NALCN: variants seen among roughly 807,000 people sequenced by gnomAD.
NALCN encodes the protein sodium leak channel NALCN.
In NALCN, 111 loss-of-function variants were observed where a neutral mutation model predicts 225.3. That is an observed-to-expected ratio of 0.49 (90% CI 0.42 to 0.58). The LOEUF is 0.58. Among genes scored for constraint, NALCN ranks in the 20% least tolerant of loss-of-function variants. The pLI is 0.00. For synonymous variants in NALCN, 764 were observed against 769.0 expected (o/e 0.99, Z 0.11); for missense variants, 1,378 against 2,202.4 (o/e 0.63, Z 7.49).
rs935085858 is a variant in NALCN, at chr13:101,230,054, A to C, written c.1435-470T>G. ...TTGTTTCATGCATAAAAAAACTATT[A>C]AGAATATTGCATACAACTACCTTCA... On this transcript the variant is annotated intron_variant, in intron 12 of 43. Transcript: ENST00000251127. Among the ~76,000 whole-genome samples the C allele has an allele frequency of 2.6e-5, 4 of 152,188 alleles. 1 individual carries two copies. Among genetic ancestry groups the C allele is most frequent in the African/African-American group, 9.7e-5 (4 of 41,446 alleles).
At chr13:101,255,220 T>A (rs1260248150) in intron 11 of NALCN, among the ~76,000 whole-genome samples, 1 of 152,312 alleles carries the variant, frequency 6.6e-6, no homozygotes, top group Non-Finnish European at 1.5e-5. Context: ...ACAATACACT[T>A]AAATAGTAAC....
chr13:101,182,962 CCTA>C lies in NALCN; in HGVS notation c.1765-6591_1765-6589del, dbSNP rs1264203776. On this transcript the variant is annotated intron_variant, in intron 14 of 43. Transcript: ENST00000251127. ...TATGTTATCAATGATACAGTATTTTCCTACAAACCCAGTGCAATGTGGATTTGG... is the reference window on the plus strand; with the variant it reads ...TATGTTATCAATGATACAGTATTTTCCAAACCCAGTGCAATGTGGATTTGG... Among the ~76,000 whole-genome samples the C allele has an allele frequency of 1.6e-4, 25 of 152,286 alleles. No individual in the cohort carries two copies. The East Asian group carries it at 4.8e-3, about 29-fold the overall frequency.
intron 2 of NALCN, among the ~76,000 whole-genome samples, chr13:101,395,928 T>C (rs556054598): frequency 7.2e-4 from 109 of 152,310 alleles, no homozygotes; most frequent in African/African-American, 2.5e-3. Context: ...TATTTAGAAT[T>C]TCCTTTCTAT....
At chr13:101,331,964 C>T (rs1441762754) in intron 7 of NALCN, among the ~76,000 whole-genome samples, 1 of 152,136 alleles carries the variant, frequency 6.6e-6, no homozygotes, top group African/African-American at 2.4e-5. Context: ...TTACTTGTTG[C>T]CAGTAATGAA....
At chr13:101,335,318 G>A (rs986277011) in intron 7 of NALCN, among the ~76,000 whole-genome samples, 10 of 152,118 alleles carry the variant, frequency 6.6e-5, no homozygotes, top group Non-Finnish European at 1.0e-4. Flanking sequence ...TTCAGTTTAA[G>A]TAAGTCTGTG....
chr13:101,272,210 T>C (rs1023695052), intron 10 of NALCN, among the ~76,000 whole-genome samples: 1 of 152,172 alleles, frequency 6.6e-6, no homozygotes, highest in African/African-American at 2.4e-5. Context: ...TGACTGTGTG[T>C]CTCTGCATGC....
At chr13:101,140,254 C>T (rs1356493626) in intron 17 of NALCN, among the ~76,000 whole-genome samples, 4 of 152,076 alleles carry the variant, frequency 2.6e-5, no homozygotes, top group Non-Finnish European at 4.4e-5. Flanking sequence ...TCGCTTCGGG[C>T]GGGCGCACAG....
At chr13:101,185,036 G>A (rs1194492455) in intron 14 of NALCN, among the ~76,000 whole-genome samples, 2 of 152,084 alleles carry the variant, frequency 1.3e-5, no homozygotes, top group African/African-American at 4.8e-5. Context: ...AACACAGCAG[G>A]AATCAATGTC....
chr13:101,086,854 G>A (rs984953932), intron 30 of NALCN, among the ~76,000 whole-genome samples: 2 of 151,988 alleles, frequency 1.3e-5, no homozygotes, highest in Non-Finnish European at 2.9e-5. Context: ...CCCAATAATA[G>A]TGTTTGTTTA....
intron 11 of NALCN, among the ~76,000 whole-genome samples, chr13:101,250,326 CTGA>C (rs1423690230): frequency 6.6e-6 from 1 of 151,958 alleles, no homozygotes; most frequent in Non-Finnish European, 1.5e-5. Context: ...TAAAACAAAT[CTGA>C]AGAAGAATAT....
intron 11 of NALCN, among the ~76,000 whole-genome samples, chr13:101,245,300 CT>C (rs898805076): frequency 7.4e-4 from 112 of 151,098 alleles, no homozygotes; most frequent in African/African-American, 2.5e-3. Flanking sequence ...ATAAACTTTT[CT>C]TTTTTTTTGC....
chr13:101,155,021 T>G (rs1001862732), intron 15 of NALCN, among the ~76,000 whole-genome samples: 2 of 152,216 alleles, frequency 1.3e-5, no homozygotes, highest in African/African-American at 2.4e-5. Flanking sequence ...GCTACACAGA[T>G]GTACATATCT....
chr13:101,065,110 C>T (rs2032266025), intron 40 of NALCN, among the ~76,000 whole-genome samples: 1 of 152,216 alleles, frequency 6.6e-6, no homozygotes, highest in African/African-American at 2.4e-5. Context: ...ACTGTGCTCT[C>T]CCAGATCCCT....
At chr13:101,341,575 T>G (rs2139283215) in intron 7 of NALCN, among the ~76,000 whole-genome samples, 1 of 152,306 alleles carries the variant, frequency 6.6e-6, no homozygotes, top group Admixed American at 6.5e-5. Context: ...CCTACTAAGC[T>G]TTTATGAGTT....
intron 14 of NALCN, among the ~76,000 whole-genome samples, chr13:101,181,540 T>C (rs76358521): frequency 0.01 from 1,559 of 151,406 alleles, 29 homozygotes; most frequent in African/African-American, 0.037. Flanking sequence ...CCCCAGGAAT[T>C]TGAGACCAGC....
At chr13:101,134,081 A>G (rs2036646433) in intron 17 of NALCN, among the ~76,000 whole-genome samples, 1 of 152,224 alleles carries the variant, frequency 6.6e-6, no homozygotes, top group African/African-American at 2.4e-5. Flanking sequence ...GAGGCAGGAG[A>G]ATGGCGTGAA....
intron 13 of NALCN, among the ~76,000 whole-genome samples, chr13:101,211,580 T>C: frequency 6.6e-6 from 1 of 151,666 alleles, no homozygotes; most frequent in Admixed American, 6.6e-5. Flanking sequence ...AACCCTAATG[T>C]TATAGTAGAA....
chr13:101,150,993 G>A (rs1270501705), intron 15 of NALCN, among the ~76,000 whole-genome samples: 5 of 152,222 alleles, frequency 3.3e-5, no homozygotes, highest in East Asian at 3.9e-4. Flanking sequence ...GGCTGCAACC[G>A]AGAGATCAAA....
intron 35 of NALCN, among the ~76,000 whole-genome samples, chr13:101,075,337 C>T (rs2033181064): frequency 6.6e-6 from 1 of 151,422 alleles, no homozygotes; most frequent in Non-Finnish European, 1.5e-5. Flanking sequence ...TGCCTGTAAT[C>T]TCAGCTACTC....
Sources: gnomAD v4.1 joint callset for allele counts (sites outside exome capture counted in the v4.1 genomes callset) on GRCh38, gnomAD v4.1.1 for gene constraint, MANE v1.5 for transcripts, NCBI Gene and HGNC (gene_info 2026-07-23, HGNC 2026-07-21) for gene names.